COL1A2: variants seen among roughly 807,000 people sequenced by gnomAD.
COL1A2 encodes the protein collagen alpha-2(I) chain.
In COL1A2, 49 loss-of-function variants were observed where a neutral mutation model predicts 174.3. The ratio of observed to expected loss-of-function variants is 0.28; its 90% CI spans 0.22 to 0.36. The LOEUF (loss-of-function observed/expected upper bound fraction) is 0.36, where lower values mean the gene tolerates loss of function less well. Among genes scored for constraint, COL1A2 ranks in the 10% least tolerant of loss-of-function variants. COL1A2 has a pLI of 1.00. For synonymous variants in COL1A2, 655 were observed against 606.6 expected, an observed-to-expected ratio of 1.08 and a Z score of -1.17; for missense variants, 1,438 against 1,822.7, an observed-to-expected ratio of 0.79 and a Z score of 3.84.
Position 94,404,912 on chromosome 7 carries a change from C to G in COL1A2, c.432+20C>G. The G allele has an allele frequency of 6.2e-7, 1 of 1,613,432 alleles. No individual in the cohort carries two copies. The highest frequency in any genetic ancestry group is 8.5e-7 in the Non-Finnish European group (1 of 1,179,562). On this transcript the variant is annotated intron_variant, in intron 9 of 51. Coordinates refer to ENST00000297268, the MANE Select transcript of COL1A2 (RefSeq NM_000089.4). Reference sequence around the variant, plus strand: ...GAAGATGTAAGTATTTACTCTTAAGCACTTTCAAAATGCTATTTAAATACT... The same window carrying G: ...GAAGATGTAAGTATTTACTCTTAAGGACTTTCAAAATGCTATTTAAATACT...
rs756780265 is a variant in COL1A2, at chr7:94,430,397, A to G, written c.*4A>G. 6.2e-7 allele frequency: 1 copy of G among 1,613,252 alleles called. No individual in the cohort carries two copies. Among genetic ancestry groups the G allele is most frequent in the Non-Finnish European group, 8.5e-7 (1 of 1,179,756 alleles). Reference sequence around the variant, plus strand: ...TGGCCCAGTCTGTTTCAAATAAATGAACTCAATCTAAATTAAAAAAGAAAG... The same window carrying G: ...TGGCCCAGTCTGTTTCAAATAAATGGACTCAATCTAAATTAAAAAAGAAAG... On this transcript the variant is annotated 3_prime_UTR_variant, in exon 52 of 52. Transcript: ENST00000297268.
At chr7:94,423,176 C>G in intron 40 of COL1A2, 58 bp downstream of exon 40, 1 of 1,590,832 alleles carries the variant, frequency 6.3e-7, no homozygotes, top group South Asian at 1.1e-5. Context: ...AATAAAGCCC[C>G]TACACAAATC....
chr7:94,405,026 T>C (rs1791766584), intron 9 of COL1A2, 134 bp downstream of exon 9: 1 of 1,159,890 alleles, frequency 8.6e-7, no homozygotes, highest in East Asian at 2.5e-5. Context: ...ATGGGAAATA[T>C]TATTTTAATG....
In COL1A2 at chr7:94,411,045, T is replaced by C. The variant is rs371447153; in HGVS notation, c.1252-11T>C. On this transcript the variant is annotated splice_polypyrimidine_tract_variant and intron_variant, in intron 22 of 51. Coordinates refer to ENST00000297268, the MANE Select transcript of COL1A2 (RefSeq NM_000089.4). The stretch of plus-strand genomic sequence containing the variant: ...TCCTCCTCTATCTGTTTTTTTTTTT[T>C]TTTTGAATAGGGCCCTCCTGGTAGT... 6 of 1,605,852 alleles carry C rather than the reference T, an allele frequency of 3.7e-6. No individual in the cohort carries two copies. Among genetic ancestry groups the C allele is most frequent in the Non-Finnish European group, 5.1e-6 (6 of 1,177,584 alleles).
In COL1A2 at chr7:94,414,281, T is replaced by C. The variant is rs1443966226; in HGVS notation, c.1719+6T>C. 6.2e-7 allele frequency: 1 copy of C among 1,613,484 alleles called. No individual in the cohort carries two copies. Among genetic ancestry groups the C allele is most frequent in the African/African-American group, 1.3e-5 (1 of 74,900 alleles). ...TTGGCAAACCAGGAGAAAGGGTGAGTAAAACAAGTAATAGTAAGTAGTAAC... is the reference window on the plus strand; with the variant it reads ...TTGGCAAACCAGGAGAAAGGGTGAGCAAAACAAGTAATAGTAAGTAGTAAC... On this transcript the variant is annotated splice_donor_region_variant and intron_variant, in intron 29 of 51. Coordinates refer to ENST00000297268, the MANE Select transcript of COL1A2 (RefSeq NM_000089.4).
At chr7:94,422,034 T>C in intron 39 of COL1A2, 82 bp downstream of exon 39, 1 of 1,179,584 alleles carries the variant, frequency 8.5e-7, no homozygotes, top group South Asian at 1.3e-5. Flanking sequence ...AAGAAACTCT[T>C]CATGAAAACA....
At chr7:94,399,988 G>A in intron 4 of COL1A2, 1 of 706,856 alleles carries the variant, frequency 1.4e-6, no homozygotes, top group Non-Finnish European at 2.6e-6. Context: ...TAGTTCTTTA[G>A]GAAAACTACC....
intron 34 of COL1A2, 29 bp downstream of exon 34, chr7:94,419,580 G>C (rs1419352133): frequency 6.2e-7 from 1 of 1,613,742 alleles, no homozygotes; most frequent in East Asian, 2.2e-5. Flanking sequence ...TAAGCCAACA[G>C]CAATATCTAA....
At chr7:94,404,640 A>G (rs1380774510) in intron 7 of COL1A2, 40 bp downstream of exon 7, 1 of 1,614,022 alleles carries the variant, frequency 6.2e-7, no homozygotes, top group African/African-American at 1.3e-5. Flanking sequence ...ATGTAAAAAG[A>G]CAGAGAATTA....
intron 6 of COL1A2, among the ~76,000 whole-genome samples, chr7:94,402,078 A>G (rs1791700347): frequency 6.6e-6 from 1 of 152,130 alleles, no homozygotes; most frequent in Non-Finnish European, 1.5e-5. Context: ...TATCTAGTCC[A>G]GCTAACTCAT....
intron 45 of COL1A2, 97 bp downstream of exon 45, chr7:94,426,148 T>C: frequency 8.4e-7 from 1 of 1,196,902 alleles, no homozygotes. Context: ...CAGCTAGACT[T>C]AATATTTTTT....
At chr7:94,422,418 G>A (rs1300603303) in intron 39 of COL1A2, 1 of 159,496 alleles carries the variant, frequency 6.3e-6, no homozygotes, top group Non-Finnish European at 1.4e-5. Flanking sequence ...TAAGGTTTCT[G>A]GGAAAAAAAA....
chr7:94,401,770 G>T, intron 6 of COL1A2, 150 bp downstream of exon 6: 1 of 410,288 alleles, frequency 2.4e-6, no homozygotes, highest in Non-Finnish European at 4.5e-6. Context: ...TCAAATTTAT[G>T]AAAACATAAG....
chr7:94,418,282 T>A (rs986947472), intron 32 of COL1A2, among the ~76,000 whole-genome samples: 1 of 152,174 alleles, frequency 6.6e-6, no homozygotes, highest in African/African-American at 2.4e-5. Flanking sequence ...GAAAAGATTG[T>A]TTAACAATAA....
intron 45 of COL1A2, 133 bp from the exon 46 acceptor site, chr7:94,426,290 C>A: frequency 2.2e-6 from 2 of 901,860 alleles, no homozygotes; most frequent in Non-Finnish European, 3.6e-6. Context: ...AGATTACCAG[C>A]AGAGGTGAGA....
chr7:94,423,482 A>G (rs997556542), intron 40 of COL1A2: 3 of 272,952 alleles, frequency 1.1e-5, no homozygotes, highest in Non-Finnish European at 1.4e-5. Context: ...GTCCAGTATT[A>G]GTGCTACTCT....
chr7:94,414,029 A>T (rs749476598), intron 28 of COL1A2, 82 bp downstream of exon 28: 74 of 1,398,784 alleles, frequency 5.3e-5, no homozygotes, highest in Middle Eastern at 1.8e-4. Flanking sequence ...TCTCTTCTCC[A>T]CCACAATAAA....
intron 26 of COL1A2, 95 bp downstream of exon 26, chr7:94,413,231 C>A: frequency 7.8e-7 from 1 of 1,285,790 alleles, no homozygotes; most frequent in Non-Finnish European, 1.1e-6. Flanking sequence ...TTGTCACTTT[C>A]TTTTCAAGAT....
chr7:94,403,577 A>G (rs1791732885), intron 6 of COL1A2, among the ~76,000 whole-genome samples: 1 of 152,192 alleles, frequency 6.6e-6, no homozygotes, highest in Non-Finnish European at 1.5e-5. Context: ...AGTTTCTTTT[A>G]ATGTCAGAGC....
Sources: allele counts gnomAD v4.1 joint callset (sites outside exome capture counted in the v4.1 genomes callset), GRCh38; gene constraint gnomAD v4.1.1; transcripts MANE v1.5; gene names NCBI Gene and HGNC (gene_info 2026-07-23, HGNC 2026-07-21).